FRMD6: variants seen among roughly 807,000 people sequenced by gnomAD.
FRMD6 encodes the protein FERM domain-containing protein 6.
FRMD6 carries 37 observed loss-of-function variants against 73.2 expected under a neutral mutation model. That is an observed-to-expected ratio of 0.51 (90% CI 0.39 to 0.66). The LOEUF is 0.66. FRMD6 is among the 30% of genes least tolerant of loss of function. The probability of loss-of-function intolerance (pLI) is 0.00; values close to 1 mark genes in which losing one functional copy is unlikely to be tolerated. For missense variants in FRMD6, 714 were observed against 780.5 expected (o/e 0.91, Z 1.02); for synonymous variants, 273 against 282.2 (o/e 0.97, Z 0.33).
intron 1 of FRMD6, among the ~76,000 whole-genome samples, chr14:51,496,225 A>T (rs1193812839): frequency 1.3e-5 from 2 of 152,200 alleles, no homozygotes; most frequent in Non-Finnish European, 2.9e-5. Context: ...CCACACCTTC[A>T]CAAGAAAACC....
the FRMD6 span, among the ~76,000 whole-genome samples, chr14:51,448,621 C>T: frequency 1.3e-5 from 2 of 152,282 alleles, no homozygotes; most frequent in South Asian, 2.1e-4. Context: ...GGTCATTTAG[C>T]GCTTACAGTA....
chr14:51,582,639 C>T (rs1329829226), intron 2 of FRMD6, among the ~76,000 whole-genome samples: 3 of 152,196 alleles, frequency 2.0e-5, no homozygotes, highest in Non-Finnish European at 4.4e-5. Flanking sequence ...CTCTGAGAAA[C>T]ATAATGGTCA....
chr14:51,520,347 G>A (rs186150927), intron 1 of FRMD6, among the ~76,000 whole-genome samples: 1 of 152,308 alleles, frequency 6.6e-6, no homozygotes, highest in African/African-American at 2.4e-5. Flanking sequence ...TGATAGGAAT[G>A]TAAAATGGTA....
chr14:51,536,707 G>A (rs565335763), intron 1 of FRMD6, among the ~76,000 whole-genome samples: 22 of 152,266 alleles, frequency 1.4e-4, no homozygotes, highest in African/African-American at 3.8e-4. Context: ...GTGAGCCACC[G>A]CACCTGGCCT....
chr14:51,458,337 A>G, the FRMD6 span, among the ~76,000 whole-genome samples: 9 of 152,156 alleles, frequency 5.9e-5, no homozygotes, highest in African/African-American at 2.2e-4. Flanking sequence ...TTTTCACAGT[A>G]AATTGCATTT....
intron 1 of FRMD6, among the ~76,000 whole-genome samples, chr14:51,684,314 G>C (rs1008612335): frequency 6.6e-6 from 1 of 152,124 alleles, no homozygotes; most frequent in Non-Finnish European, 1.5e-5. Context: ...TATGTGAGAA[G>C]TTTGGCTGTA....
chr14:51,473,970 T>A, the FRMD6 span, among the ~76,000 whole-genome samples: 1 of 152,210 alleles, frequency 6.6e-6, no homozygotes, highest in African/African-American at 2.4e-5. Context: ...TAACATTTAT[T>A]GAGCACGTAT....
At chr14:51,417,158 G>A in the FRMD6 span, among the ~76,000 whole-genome samples, 25 of 152,198 alleles carry the variant, frequency 1.6e-4, no homozygotes, top group African/African-American at 2.4e-5. Flanking sequence ...TTACATTTAA[G>A]GTTAATATGG....
At chr14:51,708,287 A>C in intron 7 of FRMD6, 54 bp downstream of exon 7, 11 of 1,435,094 alleles carry the variant, frequency 7.7e-6, no homozygotes, top group Non-Finnish European at 1.1e-5. Flanking sequence ...TCTTCTCAAT[A>C]GGATTGAGAA....
chr14:51,617,631 C>T (rs1204259849), intron 2 of FRMD6, among the ~76,000 whole-genome samples: 1 of 151,694 alleles, frequency 6.6e-6, no homozygotes, highest in East Asian at 1.9e-4. Flanking sequence ...GGTTATAATG[C>T]TACCTACCTC....
At chr14:51,656,352 G>C (rs8022690) in intron 1 of FRMD6, among the ~76,000 whole-genome samples, 114,582 of 151,840 alleles carry the variant, frequency 0.75, 43,593 homozygotes, top group Non-Finnish European at 0.8. Context: ...AAATACAGTC[G>C]CAAGGAGAAG....
intron 1 of FRMD6, among the ~76,000 whole-genome samples, chr14:51,557,377 T>C (rs1887200268): frequency 6.6e-6 from 1 of 152,132 alleles, no homozygotes; most frequent in African/African-American, 2.4e-5. Context: ...TTATGCTAAG[T>C]GGTATAAGCC....
intron 2 of FRMD6, among the ~76,000 whole-genome samples, chr14:51,693,962 A>G (rs1426092892): frequency 6.6e-6 from 1 of 152,228 alleles, no homozygotes; most frequent in Admixed American, 6.5e-5. Context: ...AGAAAATAGC[A>G]GTCAATGTGT....
At chr14:51,490,464 G>A (rs1243062204) in intron 1 of FRMD6, among the ~76,000 whole-genome samples, 1 of 152,080 alleles carries the variant, frequency 6.6e-6, no homozygotes, top group Non-Finnish European at 1.5e-5. Context: ...GACAAATGCT[G>A]GGTCATTTAA....
chr14:51,428,372 C>T, the FRMD6 span, among the ~76,000 whole-genome samples: 4 of 152,280 alleles, frequency 2.6e-5, no homozygotes, highest in African/African-American at 7.2e-5. Context: ...CTGTGATTCC[C>T]GTTGTGCCCC....
intron 2 of FRMD6, among the ~76,000 whole-genome samples, chr14:51,587,712 A>C (rs1194533872): frequency 6.6e-6 from 1 of 152,210 alleles, no homozygotes; most frequent in Non-Finnish European, 1.5e-5. Flanking sequence ...GGGGTTGTGC[A>C]GACCCATCTA....
the FRMD6 span, chr14:51,436,842 A>T: frequency 1.6e-6 from 1 of 616,608 alleles, no homozygotes. Context: ...GGAGAAGATG[A>T]TGATGAAGAA....
At chr14:51,427,680 T>C in the FRMD6 span, among the ~76,000 whole-genome samples, 2 of 152,234 alleles carry the variant, frequency 1.3e-5, no homozygotes, top group African/African-American at 2.4e-5. Context: ...TGTTTTCCAC[T>C]TCGTATAGAG....
chr14:51,638,431 A>G (rs1033046300), intron 2 of FRMD6, among the ~76,000 whole-genome samples: 4 of 152,108 alleles, frequency 2.6e-5, no homozygotes, highest in African/African-American at 9.7e-5. Flanking sequence ...GTGGTTCCGC[A>G]TTGTTCACAT....
Sources: gnomAD v4.1 joint callset for allele counts (sites outside exome capture counted in the v4.1 genomes callset) on GRCh38, gnomAD v4.1.1 for gene constraint, MANE v1.5 for transcripts, NCBI Gene and HGNC (gene_info 2026-07-23, HGNC 2026-07-21) for gene names.